COL25A1: variants seen among roughly 807,000 people sequenced by gnomAD.
COL25A1 encodes the protein collagen type XXV alpha 1 chain, also known as collagen alpha-1(XXV) chain.
A neutral mutation model predicts 128.4 loss-of-function variants in COL25A1; 103 were observed. That is an observed-to-expected ratio of 0.80 (90% confidence interval 0.68 to 0.94). COL25A1 has a LOEUF of 0.94. Ranked by LOEUF, COL25A1 falls within the 40% of genes least tolerant of loss-of-function variation. The probability of loss-of-function intolerance (pLI) is 0.00; values close to 1 mark genes in which losing one functional copy is unlikely to be tolerated. For missense variants in COL25A1, 745 were observed against 840.0 expected (o/e 0.89, Z 1.40); for synonymous variants, 279 against 277.2 (o/e 1.01, Z -0.06).
intron 5 of COL25A1, among the ~76,000 whole-genome samples, chr4:109,014,306 C>CAAA (rs111315971): frequency 6.8e-6 from 1 of 147,046 alleles, no homozygotes; most frequent in South Asian, 2.1e-4. Context: ...CACTCTGTCT[C>CAAA]AAAAAAAAAA....
intron 3 of COL25A1, among the ~76,000 whole-genome samples, chr4:109,068,451 TA>T (rs1762647078): frequency 6.7e-6 from 1 of 148,612 alleles, no homozygotes; most frequent in African/African-American, 2.5e-5. Context: ...AGGAGGGAGG[TA>T]GGGAAAAGGA....
intron 24 of COL25A1, among the ~76,000 whole-genome samples, chr4:108,856,654 A>G (rs1736544973): frequency 6.6e-6 from 1 of 152,204 alleles, no homozygotes; most frequent in Non-Finnish European, 1.5e-5. Flanking sequence ...CCTCACAACC[A>G]ACCCAATAAG....
At chr4:108,864,185 T>C (rs150610012) in intron 20 of COL25A1, among the ~76,000 whole-genome samples, 111 of 152,326 alleles carry the variant, frequency 7.3e-4, no homozygotes, top group Non-Finnish European at 1.1e-3. Context: ...GGTAAATGCC[T>C]GTCAAATAGC....
At chr4:109,271,066 T>C (rs1490486812) in intron 3 of COL25A1, among the ~76,000 whole-genome samples, 1 of 152,204 alleles carries the variant, frequency 6.6e-6, no homozygotes, top group Admixed American at 6.5e-5. Flanking sequence ...GGGCCAGGTC[T>C]GTCTGGTTCC....
rs142997203 is a variant in COL25A1 at position 108,837,121 on chromosome 4, T to G, written c.1656+4574A>C. On this transcript the variant is annotated intron_variant, in intron 31 of 37. Transcript: ENST00000399132. Reference sequence around the variant, plus strand: ...ATAAACCTATATTTTAATACAAGGTTTATATCAGTCATTCAATAAATAAAT... The same window carrying G: ...ATAAACCTATATTTTAATACAAGGTGTATATCAGTCATTCAATAAATAAAT... Among the ~76,000 whole-genome samples, 179 of 152,226 alleles carry G rather than the reference T, an allele frequency of 1.2e-3. 2 individuals carry two copies. The East Asian group carries it at 0.028, about 24-fold the overall frequency.
chr4:109,272,467 T>A (rs113125388), intron 3 of COL25A1, among the ~76,000 whole-genome samples: 3 of 152,178 alleles, frequency 2.0e-5, no homozygotes, highest in Admixed American at 2.0e-4. Flanking sequence ...GTAATGGGTA[T>A]AGAACAGAGG....
chr4:109,090,747 T>C (rs1764822026), intron 3 of COL25A1, among the ~76,000 whole-genome samples: 1 of 152,198 alleles, frequency 6.6e-6, no homozygotes, highest in Non-Finnish European at 1.5e-5. Flanking sequence ...TTTTCTGAAT[T>C]AACATCATTG....
chr4:108,961,263 A>C (rs537012726), intron 8 of COL25A1, among the ~76,000 whole-genome samples: 1 of 152,200 alleles, frequency 6.6e-6, no homozygotes, highest in East Asian at 1.9e-4. Flanking sequence ...ATTATGAGTA[A>C]GTATTCACAC....
intron 3 of COL25A1, among the ~76,000 whole-genome samples, chr4:109,073,581 T>A (rs1392552711): frequency 6.6e-6 from 1 of 152,212 alleles, no homozygotes; most frequent in Non-Finnish European, 1.5e-5. Flanking sequence ...ACAAAATGTA[T>A]CCTTTGGGAT....
At chr4:108,997,757 C>T (rs1754918532) in intron 6 of COL25A1, among the ~76,000 whole-genome samples, 2 of 152,040 alleles carry the variant, frequency 1.3e-5, no homozygotes, top group Admixed American at 1.3e-4. Flanking sequence ...TTAGCAGCAC[C>T]TCAAAAAGCT....
In COL25A1 at chr4:109,255,936, A is replaced by C. The variant is rs1427006014; in HGVS notation, c.367+44647T>G. Among the ~76,000 whole-genome samples the C allele has an allele frequency of 3.3e-5, 5 of 152,214 alleles. No homozygotes were observed. In the East Asian group the frequency reaches 9.6e-4, roughly 29 times the overall value. ...AGAAGATTTCAAGTGGCAGTCCAGA[A>C]GTCACAAATGGCATTTAGAACAGAG... On this transcript the variant is annotated intron_variant, in intron 3 of 37. Transcript: ENST00000399132.
intron 6 of COL25A1, among the ~76,000 whole-genome samples, chr4:108,998,472 A>C (rs1755005493): frequency 6.6e-6 from 1 of 152,234 alleles, no homozygotes; most frequent in Non-Finnish European, 1.5e-5. Context: ...AAGATGACAC[A>C]AACAAATGGA....
At chr4:109,151,835 A>G (rs1192128661) in intron 3 of COL25A1, among the ~76,000 whole-genome samples, 1 of 152,184 alleles carries the variant, frequency 6.6e-6, no homozygotes, top group Non-Finnish European at 1.5e-5. Context: ...ATAGGCCAAG[A>G]ATAAAGAAAT....
intron 11 of COL25A1, among the ~76,000 whole-genome samples, chr4:108,927,357 C>G (rs1205293904): frequency 6.6e-6 from 1 of 152,014 alleles, no homozygotes; most frequent in African/African-American, 2.4e-5. Flanking sequence ...TAGATTAGTG[C>G]CTAACACATA....
rs367631593 is a variant in COL25A1, at chr4:108,884,171, T to G, written c.1020+7A>C. ...TGTGAAGCCGAGACTGTCCGTGCAG[T>G]ATTTACCTTTATCCCCGGAAGTCCA... On this transcript the variant is annotated splice_region_variant and intron_variant, in intron 19 of 37. Transcript: ENST00000399132. The G allele has an allele frequency of 6.2e-7, 1 of 1,613,734 alleles. No individual in the cohort carries two copies.
intron 3 of COL25A1, among the ~76,000 whole-genome samples, chr4:109,132,693 T>TATC (rs1240907652): frequency 6.6e-6 from 1 of 152,186 alleles, no homozygotes; most frequent in Non-Finnish European, 1.5e-5. Flanking sequence ...TGCATTATCC[T>TATC]TTTCTGAAGG....
At chr4:109,238,492 C>T (rs1293056828) in intron 3 of COL25A1, among the ~76,000 whole-genome samples, 1 of 152,056 alleles carries the variant, frequency 6.6e-6, no homozygotes, top group Admixed American at 6.6e-5. Context: ...GGGCTTACTG[C>T]ATGTGAGGCT....
At chr4:108,893,410 A>T (rs957423014) in intron 16 of COL25A1, among the ~76,000 whole-genome samples, 2 of 152,186 alleles carry the variant, frequency 1.3e-5, no homozygotes, top group Admixed American at 6.5e-5. Flanking sequence ...AGTGGGACAT[A>T]ATCCTTCAAT....
At chr4:109,087,239 C>T (rs925789583) in intron 3 of COL25A1, among the ~76,000 whole-genome samples, 6 of 150,334 alleles carry the variant, frequency 4.0e-5, no homozygotes, top group Admixed American at 2.6e-4. Flanking sequence ...TTTCTTTTAG[C>T]GTGAAAAAAA....
Sources: gnomAD v4.1 joint callset for allele counts (sites outside exome capture counted in the v4.1 genomes callset) on GRCh38, gnomAD v4.1.1 for gene constraint, MANE v1.5 for transcripts, NCBI Gene and HGNC (gene_info 2026-07-23, HGNC 2026-07-21) for gene names.